NTM: variants seen among roughly 807,000 people sequenced by gnomAD.
NTM encodes the protein neurotrimin.
NTM carries 13 observed loss-of-function variants against 42.1 expected under a neutral mutation model. The observed-to-expected ratio is 0.31, with a 90% CI of 0.20 to 0.49. The LOEUF is 0.49. Among genes scored for constraint, NTM ranks in the 20% least tolerant of loss-of-function variants. The probability of loss-of-function intolerance (pLI) is 0.99; values close to 1 mark genes in which losing one functional copy is unlikely to be tolerated. For missense variants in NTM, 373 were observed against 452.8 expected (o/e 0.82, Z 1.60); for synonymous variants, 187 against 179.2 (o/e 1.04, Z -0.35).
chr11:131,910,876 C>T (rs2054759588), intron 1 of NTM: 1 of 985,258 alleles, frequency 1.0e-6, no homozygotes, highest in South Asian at 4.7e-5. Flanking sequence ...GCCGCAGGAT[C>T]CCGGGCCCGG....
intron 1 of NTM, among the ~76,000 whole-genome samples, chr11:131,613,401 AT>A (rs1430144897): frequency 2.0e-5 from 3 of 151,802 alleles, no homozygotes; most frequent in Admixed American, 6.6e-5. Flanking sequence ...TGAGGAGCAC[AT>A]TTTTCTTCCA....
intron 1 of NTM, among the ~76,000 whole-genome samples, chr11:131,379,983 G>A (rs1032455948): frequency 3.9e-5 from 6 of 152,062 alleles, no homozygotes; most frequent in Non-Finnish European, 8.8e-5. Context: ...TCAGCTCTCT[G>A]CCAAGGCATG....
chr11:131,508,143 A>G (rs902857371), intron 1 of NTM, among the ~76,000 whole-genome samples: 1 of 146,290 alleles, frequency 6.8e-6, no homozygotes, highest in Non-Finnish European at 1.5e-5. Context: ...TCATCTGACA[A>G]AGGGCTAATA....
intron 2 of NTM, among the ~76,000 whole-genome samples, chr11:131,956,512 G>C (rs1487971826): frequency 6.6e-6 from 1 of 151,824 alleles, no homozygotes; most frequent in Non-Finnish European, 1.5e-5. Context: ...GTGTTAAATA[G>C]TGAGGCTCTT....
rs191920131 is a variant in NTM at position 131,605,211 on chromosome 11, G to A, written c.82+234323G>A. Among the ~76,000 whole-genome samples, 153 of 152,086 alleles carry A rather than the reference G, an allele frequency of 1.0e-3. 1 individual carries two copies. Among genetic ancestry groups the A allele is most frequent in the African/African-American group, 3.3e-3 (139 of 41,520 alleles). On this transcript the variant is annotated intron_variant, in intron 1 of 8. Transcript: ENST00000683400. ...CACAGAATGACTTTTCATTTACTTG[G>A]GTCTTTTAAACTTTCTTTCAGTAAT...
At chr11:131,460,784 C>A (rs1351347776) in intron 1 of NTM, among the ~76,000 whole-genome samples, 1 of 152,154 alleles carries the variant, frequency 6.6e-6, no homozygotes, top group African/African-American at 2.4e-5. Context: ...AAACTCCTGA[C>A]CTCAAATGAT....
At chr11:131,918,099 G>A (rs995475557) in intron 2 of NTM, among the ~76,000 whole-genome samples, 3 of 152,152 alleles carry the variant, frequency 2.0e-5, no homozygotes, top group Admixed American at 6.5e-5. Context: ...GAGCTGGGAG[G>A]TCAACCACCT....
chr11:131,825,918 AT>A (rs1361218914), intron 1 of NTM, among the ~76,000 whole-genome samples: 1 of 152,176 alleles, frequency 6.6e-6, no homozygotes, highest in African/African-American at 2.4e-5. Context: ...TTTTTGGAGG[AT>A]TTTTGAGGTT....
chr11:132,186,105 T>G (rs903002004), intron 3 of NTM, among the ~76,000 whole-genome samples: 1 of 152,192 alleles, frequency 6.6e-6, no homozygotes, highest in Non-Finnish European at 1.5e-5. Context: ...GAAGCCCACT[T>G]GATTCCAAGT....
At chr11:131,793,267 A>G (rs944339697) in intron 1 of NTM, among the ~76,000 whole-genome samples, 35 of 152,356 alleles carry the variant, frequency 2.3e-4, no homozygotes, top group African/African-American at 8.2e-4. Context: ...CATTGTTACT[A>G]TTAATGATAA....
chr11:131,584,163 G>C (rs1280127496), intron 1 of NTM, among the ~76,000 whole-genome samples: 1 of 152,228 alleles, frequency 6.6e-6, no homozygotes, highest in East Asian at 1.9e-4. Context: ...CCAGCCATGA[G>C]TGAGTGTCTC....
intron 3 of NTM, among the ~76,000 whole-genome samples, chr11:132,210,435 G>A (rs1180289935): frequency 1.3e-5 from 2 of 152,170 alleles, no homozygotes; most frequent in Non-Finnish European, 2.9e-5. Flanking sequence ...TATTTGTTGA[G>A]CTCTTAGCGT....
chr11:132,133,179 T>C (rs1476186916), intron 2 of NTM, among the ~76,000 whole-genome samples: 2 of 152,194 alleles, frequency 1.3e-5, no homozygotes, highest in Non-Finnish European at 2.9e-5. Flanking sequence ...ATATTTATAC[T>C]CATTTGTAAA....
chr11:131,600,829 T>A (rs2060418870), intron 1 of NTM, among the ~76,000 whole-genome samples: 1 of 151,752 alleles, frequency 6.6e-6, no homozygotes, highest in Non-Finnish European at 1.5e-5. Flanking sequence ...TCACTACTCT[T>A]CTGTATAAAC....
chr11:131,827,611 C>A (rs1051731728), intron 1 of NTM, among the ~76,000 whole-genome samples: 1 of 152,158 alleles, frequency 6.6e-6, no homozygotes, highest in African/African-American at 2.4e-5. Flanking sequence ...GCCATGAAAC[C>A]ACACTACTTC....
At chr11:131,975,067 C>G (rs2064109687) in intron 2 of NTM, among the ~76,000 whole-genome samples, 1 of 152,156 alleles carries the variant, frequency 6.6e-6, no homozygotes, top group Admixed American at 6.6e-5. Context: ...GCAATCTGAC[C>G]TATCTTGTGC....
intron 1 of NTM, among the ~76,000 whole-genome samples, chr11:131,744,247 T>A (rs2135609873): frequency 6.6e-6 from 1 of 152,338 alleles, no homozygotes; most frequent in East Asian, 1.9e-4. Context: ...TATTACTAAA[T>A]TCCATACAAA....
chr11:131,616,776 GGGGTGTGT>G (rs1433919307), intron 1 of NTM, among the ~76,000 whole-genome samples: 9 of 143,254 alleles, frequency 6.3e-5, no homozygotes, highest in South Asian at 2.2e-4. Flanking sequence ...CTGTCTTGAG[GGGGTGTGT>G]GTGTGTGTGT....
Position 132,003,450 on chromosome 11 carries a change from T to C in NTM, c.167+91802T>C, listed in dbSNP as rs1449666440. 6.6e-6 allele frequency among the ~76,000 whole-genome samples: 1 copy of C among 152,016 alleles called. No individual in the cohort carries two copies. Among genetic ancestry groups the C allele is most frequent in the Non-Finnish European group, 1.5e-5 (1 of 68,004 alleles). On this transcript the variant is annotated intron_variant, in intron 2 of 8. Coordinates refer to ENST00000683400, the MANE Select transcript of NTM (RefSeq NM_001352005.2). The surrounding 1 kb of genome is among the most constrained non-coding windows in gnomAD (Gnocchi z 6.0). Reference sequence around the variant, plus strand: ...ATGTAGAGACAGACTGTCCTTATATTTCCCAGGCTGCTCTTGAGTTCCTGG... The same window carrying C: ...ATGTAGAGACAGACTGTCCTTATATCTCCCAGGCTGCTCTTGAGTTCCTGG...
Sources: allele counts gnomAD v4.1 joint callset (sites outside exome capture counted in the v4.1 genomes callset), GRCh38; gene constraint gnomAD v4.1.1; non-coding constraint Gnocchi (gnomAD v3.1); transcripts MANE v1.5; gene names NCBI Gene and HGNC (gene_info 2026-07-23, HGNC 2026-07-21).